The following PTPRN2 variants were observed in gnomAD, a reference collection of about 807,000 sequenced individuals.
PTPRN2 encodes protein tyrosine phosphatase receptor type N2, also known as receptor-type tyrosine-protein phosphatase N2.
In PTPRN2, 74 loss-of-function variants were observed where a neutral mutation model predicts 118.8. That is an observed-to-expected ratio of 0.62 (90% confidence interval 0.52 to 0.76). The LOEUF (loss-of-function observed/expected upper bound fraction) is 0.76, where lower values mean the gene tolerates loss of function less well. PTPRN2 is among the 30% of genes least tolerant of loss of function. PTPRN2 has a pLI of 0.00. For synonymous variants in PTPRN2, 641 were observed against 608.0 expected, an observed-to-expected ratio of 1.05 and a Z score of -0.80; for missense variants, 1,481 against 1,394.4, an observed-to-expected ratio of 1.06 and a Z score of -0.99.
chr7:158,468,911 A>C, intron 2 of PTPRN2, among the ~76,000 whole-genome samples: 1 of 152,080 alleles, frequency 6.6e-6, no homozygotes, highest in Admixed American at 6.5e-5. Context: ...CAGTGTGCAC[A>C]CCCAGGCACA....
chr7:157,830,171 C>A (rs1484143340), intron 12 of PTPRN2, among the ~76,000 whole-genome samples: 1 of 151,754 alleles, frequency 6.6e-6, no homozygotes, highest in Non-Finnish European at 1.5e-5. Context: ...TTCTCTGTGC[C>A]TGCTCACTGG....
intron 12 of PTPRN2, among the ~76,000 whole-genome samples, chr7:157,793,062 G>C (rs1377797694): frequency 6.6e-6 from 1 of 151,988 alleles, no homozygotes; most frequent in Non-Finnish European, 1.5e-5. Flanking sequence ...AGAATTAATG[G>C]GACCCCTCTA....
chr7:157,676,408 G>A lies in PTPRN2; in HGVS notation c.2001+6317C>T, dbSNP rs966675331. Among the ~76,000 whole-genome samples, 6 of 152,184 alleles carry A rather than the reference G, an allele frequency of 3.9e-5. No homozygotes were observed. The highest frequency in any genetic ancestry group is 2.0e-4 in the Admixed American group (3 of 15,284). ...CACACGAATCACCTCCTAGTGATGC[G>A]TGGACTAATGCTGTTTACCGCCGGT... On this transcript the variant is annotated intron_variant, in intron 13 of 22. Transcript: ENST00000389418. The surrounding 1 kb of genome is among the most constrained non-coding windows in gnomAD (Gnocchi z 5.6).
intron 12 of PTPRN2, among the ~76,000 whole-genome samples, chr7:157,750,783 G>C (rs1585377853): frequency 6.6e-6 from 1 of 152,220 alleles, no homozygotes; most frequent in African/African-American, 2.4e-5. Context: ...CTCCTCAGTG[G>C]GTTCGGAAAC....
chr7:157,650,259 C>T (rs1805559122), intron 14 of PTPRN2, among the ~76,000 whole-genome samples: 1 of 152,222 alleles, frequency 6.6e-6, no homozygotes, highest in African/African-American at 2.4e-5. Context: ...AGAGAGACAT[C>T]CCCCGCAGGG....
At chr7:157,542,126 G>C (rs1163596155) in intron 22 of PTPRN2, among the ~76,000 whole-genome samples, 1 of 152,172 alleles carries the variant, frequency 6.6e-6, no homozygotes. Context: ...AGCTGCCCCT[G>C]TGGGGGCAGG....
At chr7:157,568,246 G>C (rs374966140) in intron 21 of PTPRN2, among the ~76,000 whole-genome samples, 5 of 152,126 alleles carry the variant, frequency 3.3e-5, no homozygotes, top group African/African-American at 1.2e-4. Flanking sequence ...TCCCCACGCC[G>C]TCTGCGCATG....
rs538493967 is a variant in PTPRN2 at position 158,196,508 on chromosome 7, C to T, written c.381-4013G>A. ...CCCAGCCCCTGAGGAGGGGTGAGGG[C>T]TCCTGAGGCCTCTGTCATGACCACA... is the stretch of plus-strand genomic sequence containing the variant. On this transcript the variant is annotated intron_variant, in intron 4 of 22. Transcript: ENST00000389418. Among the ~76,000 whole-genome samples, 10 of 152,314 alleles carry T rather than the reference C, an allele frequency of 6.6e-5. 1 individual carries two copies. The East Asian group carries it at 1.5e-3, about 23-fold the overall frequency.
intron 12 of PTPRN2, among the ~76,000 whole-genome samples, chr7:157,736,778 C>T (rs946298001): frequency 1.3e-5 from 2 of 152,130 alleles, no homozygotes; most frequent in Non-Finnish European, 2.9e-5. Flanking sequence ...TCGTGGACGG[C>T]GCTCACCTAC....
At chr7:157,663,643 T>A (rs976731597) in intron 13 of PTPRN2, among the ~76,000 whole-genome samples, 7 of 151,996 alleles carry the variant, frequency 4.6e-5, no homozygotes, top group Non-Finnish European at 7.4e-5. Context: ...GACCGGCCCC[T>A]CCCTCTCCAC....
At chr7:157,592,923 G>A (rs551772844) in intron 17 of PTPRN2, among the ~76,000 whole-genome samples, 3 of 138,660 alleles carry the variant, frequency 2.2e-5, no homozygotes, top group South Asian at 2.5e-4. Context: ...CACGCAGGAC[G>A]GAGGGTGGAT....
chr7:158,397,653 C>T (rs986548386), intron 2 of PTPRN2, among the ~76,000 whole-genome samples: 2 of 152,154 alleles, frequency 1.3e-5, no homozygotes, highest in East Asian at 1.9e-4. Flanking sequence ...TCCCTCCCCA[C>T]CCCCCAGTCA....
intron 11 of PTPRN2, among the ~76,000 whole-genome samples, chr7:158,017,433 G>C (rs532939467): frequency 1.3e-5 from 2 of 152,294 alleles, no homozygotes; most frequent in African/African-American, 4.8e-5. Context: ...CCAGTGCTTG[G>C]GGGCAGAGAG....
intron 2 of PTPRN2, among the ~76,000 whole-genome samples, chr7:158,343,806 A>T (rs200333621): frequency 1.5e-3 from 213 of 141,422 alleles, no homozygotes; most frequent in African/African-American, 4.9e-3. Flanking sequence ...GCAGAGGCTC[A>T]GGCAGCCATG....
chr7:158,262,134 G>C (rs1250502045), intron 3 of PTPRN2, among the ~76,000 whole-genome samples: 1 of 152,164 alleles, frequency 6.6e-6, no homozygotes, highest in African/African-American at 2.4e-5. Context: ...CGAGGCCACA[G>C]TGACTGCCCC....
intron 12 of PTPRN2, among the ~76,000 whole-genome samples, chr7:157,885,382 A>G (rs1005522136): frequency 3.3e-5 from 5 of 152,290 alleles, no homozygotes; most frequent in Middle Eastern, 3.4e-3. Context: ...GCAGCCACCC[A>G]GGCCTAGCCT....
intron 11 of PTPRN2, among the ~76,000 whole-genome samples, chr7:158,001,349 A>T (rs113299447): frequency 7.0e-6 from 1 of 142,960 alleles, no homozygotes; most frequent in Non-Finnish European, 1.5e-5. Flanking sequence ...CACACTCCAC[A>T]CTCACAGCAA....
chr7:157,995,576 G>C (rs1804665183), intron 11 of PTPRN2, among the ~76,000 whole-genome samples: 2 of 152,396 alleles, frequency 1.3e-5, no homozygotes, highest in South Asian at 4.1e-4. Context: ...CTGGAAGGCA[G>C]CAAACCTGCA....
At chr7:158,333,312 TCA>T (rs1342952869) in intron 2 of PTPRN2, among the ~76,000 whole-genome samples, 1 of 138,982 alleles carries the variant, frequency 7.2e-6, no homozygotes, top group Non-Finnish European at 1.6e-5. Flanking sequence ...TCTGCAGACG[TCA>T]CTCACACCCA....
Sources: allele counts gnomAD v4.1 joint callset (sites outside exome capture counted in the v4.1 genomes callset), GRCh38; gene constraint gnomAD v4.1.1; non-coding constraint Gnocchi (gnomAD v3.1); transcripts MANE v1.5; gene names NCBI Gene and HGNC (gene_info 2026-07-23, HGNC 2026-07-21).